DLG1: variants seen among roughly 807,000 people sequenced by gnomAD.
DLG1 encodes the protein disks large homolog 1.
DLG1 carries 42 observed loss-of-function variants against 123.4 expected under a neutral mutation model. The observed-to-expected ratio is 0.34, with a 90% confidence interval of 0.27 to 0.44. DLG1 has a LOEUF of 0.44. Among genes scored for constraint, DLG1 ranks in the 20% least tolerant of loss-of-function variants. The pLI is 1.00. For synonymous variants in DLG1, 317 were observed against 356.2 expected (o/e 0.89, Z 1.24); for missense variants, 942 against 1,082.6 (o/e 0.87, Z 1.82).
chr3:197,287,201 G>A (rs542680946), intron 3 of DLG1, among the ~76,000 whole-genome samples: 5 of 152,006 alleles, frequency 3.3e-5, no homozygotes, highest in African/African-American at 1.2e-4. Flanking sequence ...TGGGGCTTTG[G>A]GATATGGGAA....
At chr3:197,199,504 T>C (rs1724483237) in intron 4 of DLG1, among the ~76,000 whole-genome samples, 1 of 152,170 alleles carries the variant, frequency 6.6e-6, no homozygotes, top group Non-Finnish European at 1.5e-5. Flanking sequence ...CATATCTCAT[T>C]ATGTATATGC....
At chr3:197,145,051 T>TCA (rs776756471) in intron 6 of DLG1, among the ~76,000 whole-genome samples, 2,544 of 143,196 alleles carry the variant, frequency 0.018, 30 homozygotes, top group Non-Finnish European at 0.025. Flanking sequence ...TCTCTCTCTC[T>TCA]CTCTCACACA....
At position 197,214,594 on chromosome 3, in the gene DLG1, G is replaced by A. The variant is rs116163681; in HGVS notation, c.319-20005C>T. Among the ~76,000 whole-genome samples, 339 of 151,636 alleles carry A rather than the reference G, an allele frequency of 2.2e-3. 2 individuals are homozygous for A. The highest frequency in any genetic ancestry group is 7.7e-3 in the African/African-American group (318 of 41,320). On this transcript the variant is annotated intron_variant, in intron 4 of 24. Coordinates refer to ENST00000667157, the MANE Select transcript of DLG1 (RefSeq NM_001366207.1). The stretch of plus-strand genomic sequence containing the variant: ...TCTCAAAAAAAAAGAAATGATACTC[G>A]GAAACAAAAAAGACTAATAAATTTG...
At chr3:197,220,668 C>T (rs1157974966) in intron 4 of DLG1, among the ~76,000 whole-genome samples, 1 of 151,914 alleles carries the variant, frequency 6.6e-6, no homozygotes, top group East Asian at 1.9e-4. Flanking sequence ...CCCACCTATC[C>T]AGCAGAAAAA....
intron 4 of DLG1, among the ~76,000 whole-genome samples, chr3:197,271,263 G>A (rs1763817861): frequency 6.6e-6 from 1 of 152,130 alleles, no homozygotes; most frequent in African/African-American, 2.4e-5. Context: ...AAGTATGGGG[G>A]AACTGCTGCC....
chr3:197,254,316 A>C (rs1309782339), intron 4 of DLG1, among the ~76,000 whole-genome samples: 1 of 152,218 alleles, frequency 6.6e-6, no homozygotes. Context: ...GAAAGAACCA[A>C]TGAAAGACAC....
chr3:197,272,900 C>A (rs987301534), intron 4 of DLG1, among the ~76,000 whole-genome samples: 34 of 152,194 alleles, frequency 2.2e-4, no homozygotes, highest in Admixed American at 1.8e-3. Context: ...CTTTTTTAAA[C>A]TGAGATAAAA....
In DLG1 at chr3:197,125,842, C is replaced by T. The variant is rs113913666; in HGVS notation, c.1165+4685G>A. 8.0e-3 allele frequency among the ~76,000 whole-genome samples: 1,214 copies of T among 152,246 alleles called. 13 individuals are homozygous for T. The highest frequency in any genetic ancestry group is 0.027 in the African/African-American group (1,108 of 41,536). ...CAATGGGCCTTCGCACTAAAGTCTT[C>T]AGTGACTACAGCCAGACTGATGAAG... is the stretch of plus-strand genomic sequence containing the variant. On this transcript the variant is annotated intron_variant, in intron 11 of 24. Transcript: ENST00000667157.
intron 15 of DLG1, among the ~76,000 whole-genome samples, chr3:197,088,073 A>G (rs1020189228): frequency 6.6e-6 from 1 of 152,200 alleles, no homozygotes; most frequent in Non-Finnish European, 1.5e-5. Flanking sequence ...ATTATAGAAA[A>G]GAACAGAATG....
intron 3 of DLG1, among the ~76,000 whole-genome samples, chr3:197,286,611 A>G (rs1771985515): frequency 6.6e-6 from 1 of 152,210 alleles, no homozygotes; most frequent in South Asian, 2.1e-4. Flanking sequence ...TACGTGTCAA[A>G]GCAAAAAATG....
chr3:197,065,399 A>ATT lies in DLG1; in HGVS notation c.2249_2250insAA (p.His750GlnfsTer4). 1.2e-6 allele frequency: 2 copies of ATT among 1,613,348 alleles called. No homozygotes were observed. Among genetic ancestry groups the ATT allele is most frequent in the Non-Finnish European group, 1.7e-6 (2 of 1,179,740 alleles). Reference sequence around the variant, plus strand: ...CCATCTGCTCTCTTGAAGTCACAAAATGATAATCTCTTCCATCTACCTCAT... The same window carrying ATT: ...CCATCTGCTCTCTTGAAGTCACAAAATTTGATAATCTCTTCCATCTACCTCAT... On this transcript the variant is annotated frameshift_variant, in exon 22 of 25. Transcript: ENST00000667157. LOFTEE classifies it high-confidence loss of function.
intron 4 of DLG1, among the ~76,000 whole-genome samples, chr3:197,265,477 G>A (rs560701202): frequency 2.6e-5 from 4 of 152,180 alleles, no homozygotes; most frequent in Admixed American, 6.5e-5. Flanking sequence ...AGGAGAAAGC[G>A]TTGAGAATAA....
chr3:197,069,458 T>G, intron 18 of DLG1, 198 bp from the exon 19 acceptor site: 1 of 401,846 alleles, frequency 2.5e-6, no homozygotes, highest in Non-Finnish European at 4.4e-6. Flanking sequence ...TTAAGGACAA[T>G]GCCTTATTTT....
chr3:197,248,975 A>G (rs1315143240), intron 4 of DLG1, among the ~76,000 whole-genome samples: 1 of 152,164 alleles, frequency 6.6e-6, no homozygotes, highest in Non-Finnish European at 1.5e-5. Flanking sequence ...GAGCAAGACT[A>G]TGTCTCAAAA....
intron 11 of DLG1, among the ~76,000 whole-genome samples, chr3:197,121,823 C>CAAAAAAA (rs71161995): frequency 2.6e-4 from 26 of 101,912 alleles, no homozygotes; most frequent in East Asian, 1.1e-3. Flanking sequence ...ACAATCACCA[C>CAAAAAAA]AAAAAAAAAA....
intron 11 of DLG1, among the ~76,000 whole-genome samples, chr3:197,121,846 C>CAAAAAAAAAAAAAAAAAAAAAAAAA (rs1776584553): frequency 2.0e-5 from 2 of 98,216 alleles, no homozygotes. Flanking sequence ...AAAAAAAAAT[C>CAAAAAAAAAAAAAAAAAAAAAAAAA]AAATGTTATC....
At chr3:197,078,590 T>C (rs918448740) in intron 17 of DLG1, 3 of 152,158 alleles carry the variant, frequency 2.0e-5, no homozygotes, top group Non-Finnish European at 4.4e-5. Flanking sequence ...GAAAAAGTAT[T>C]ATGGAGAAAT....
intron 5 of DLG1, among the ~76,000 whole-genome samples, chr3:197,152,499 G>A (rs935041014): frequency 1.4e-5 from 2 of 142,432 alleles, no homozygotes; most frequent in Admixed American, 7.4e-5. Context: ...AGTTTAGGCC[G>A]GGTGCGGTGG....
chr3:197,262,770 C>A lies in DLG1; in HGVS notation c.318+19909G>T, dbSNP rs561519507. Among the ~76,000 whole-genome samples, 7 of 152,302 alleles carry A rather than the reference C, an allele frequency of 4.6e-5. No individual in the cohort carries two copies. The East Asian group carries it at 1.2e-3, about 25-fold the overall frequency. On this transcript the variant is annotated intron_variant, in intron 4 of 24. Coordinates refer to ENST00000667157, the MANE Select transcript of DLG1 (RefSeq NM_001366207.1). The stretch of plus-strand genomic sequence containing the variant: ...ACCCAGTAGGTGTCCACTGGAAAAG[C>A]TTCACCAAAAACCTCCTCACACATC...
Sources: gnomAD v4.1 joint callset for allele counts (sites outside exome capture counted in the v4.1 genomes callset) on GRCh38, gnomAD v4.1.1 for gene constraint, MANE v1.5 for transcripts, NCBI Gene and HGNC (gene_info 2026-07-23, HGNC 2026-07-21) for gene names.